Variants in B3GALT1 observed in about 807,000 individuals in gnomAD.
The protein encoded by B3GALT1 is UDP-Gal:betaGlcNAc beta 1,3-galactosyltransferase, polypeptide 1.
A neutral mutation model predicts 23.2 loss-of-function variants in B3GALT1; 10 were observed. The observed-to-expected ratio is 0.43, with a 90% CI of 0.27 to 0.73. The LOEUF is 0.73. Ranked by LOEUF, B3GALT1 falls within the 30% of genes least tolerant of loss-of-function variation. The pLI, the probability that B3GALT1 is intolerant of heterozygous loss-of-function variation, is 0.21. For synonymous variants in B3GALT1, 156 were observed against 141.5 expected, an observed-to-expected ratio of 1.10 and a Z score of -0.73; for missense variants, 299 against 405.4, an observed-to-expected ratio of 0.74 and a Z score of 2.25.
At chr2:167,629,028 A>T (rs1473530079) in intron 2 of B3GALT1, among the ~76,000 whole-genome samples, 1 of 151,690 alleles carries the variant, frequency 6.6e-6, no homozygotes, top group African/African-American at 2.4e-5. Context: ...GCCTACCATA[A>T]ATTGGACATA....
chr2:167,643,817 G>T (rs1014865573), intron 2 of B3GALT1, among the ~76,000 whole-genome samples: 1 of 152,188 alleles, frequency 6.6e-6, no homozygotes, highest in South Asian at 2.1e-4. Context: ...GACACCATAG[G>T]CAGACTGGTC....
chr2:167,784,582 C>T (rs749545733), intron 3 of B3GALT1, among the ~76,000 whole-genome samples: 1 of 152,144 alleles, frequency 6.6e-6, no homozygotes, highest in Non-Finnish European at 1.5e-5. Flanking sequence ...TATAGCCACT[C>T]TATTTGTAAT....
chr2:167,332,676 G>A (rs1053488094), intron 1 of B3GALT1, among the ~76,000 whole-genome samples: 11 of 152,140 alleles, frequency 7.2e-5, no homozygotes, highest in Admixed American at 6.5e-4. Flanking sequence ...AAAACACTTC[G>A]GAACCAGGTA....
chr2:167,811,901 GCT>G (rs2105353276), intron 3 of B3GALT1, among the ~76,000 whole-genome samples: 1 of 152,272 alleles, frequency 6.6e-6, no homozygotes, highest in South Asian at 2.1e-4. Flanking sequence ...AGATACTATT[GCT>G]GTTTCAACTG....
intron 4 of B3GALT1, among the ~76,000 whole-genome samples, chr2:167,826,285 G>A (rs1406475556): frequency 6.6e-6 from 1 of 152,030 alleles, no homozygotes; most frequent in Admixed American, 6.6e-5. Flanking sequence ...CCTCAACCTG[G>A]CCAGGTTTCC....
At chr2:167,624,183 A>G (rs776592431) in intron 2 of B3GALT1, among the ~76,000 whole-genome samples, 8 of 152,112 alleles carry the variant, frequency 5.3e-5, no homozygotes, top group Admixed American at 1.3e-4. Context: ...ATGATGGGAA[A>G]TAGAGTTGAC....
At position 167,869,335 on chromosome 2, in the gene B3GALT1, A is replaced by C; in HGVS notation, c.296A>C (p.Glu99Ala). The C allele has an allele frequency of 6.2e-7, 1 of 1,614,114 alleles. No homozygotes were observed. The highest frequency in any genetic ancestry group is 8.5e-7 in the Non-Finnish European group (1 of 1,180,028). Residue 99 changes from glutamate to alanine, a missense_variant, in exon 5 of 5, where the codon GAG becomes GCG. Glu to Ala is a moderately radical substitution (Grantham distance 107). Around this residue, in one of 3 missense-constraint regions of B3GALT1, gnomAD observed 162 missense variants for 184.1 expected, o/e 0.88. Transcript: ENST00000392690. The surrounding 1 kb of genome is among the most constrained non-coding windows in gnomAD (Gnocchi z 6.4). ...KEFDARQAIRETWGDENNFKG... is the reference protein window; with the variant it reads ...KEFDARQAIRATWGDENNFKG... ...TTTGATGCCCGTCAGGCAATCAGAG[A>C]GACGTGGGGGGATGAGAACAACTTT... is the stretch of plus-strand genomic sequence containing the variant.
intron 1 of B3GALT1, among the ~76,000 whole-genome samples, chr2:167,475,869 T>G (rs553812952): frequency 6.6e-6 from 1 of 152,250 alleles, no homozygotes; most frequent in Admixed American, 6.5e-5. Context: ...TCTCCCAGCT[T>G]CTGGTGGTTT....
intron 4 of B3GALT1, among the ~76,000 whole-genome samples, chr2:167,847,602 A>G (rs984352648): frequency 6.0e-4 from 91 of 152,340 alleles, no homozygotes; most frequent in African/African-American, 1.9e-3. Context: ...CTAAGAGGAA[A>G]GTTCATAGCC....
Position 167,872,492 on chromosome 2 carries a change from G to C in B3GALT1, c.*2472G>C, listed in dbSNP as rs145390521. 6.6e-6 allele frequency: 1 copy of C among 152,340 alleles called. No homozygotes were observed. Among genetic ancestry groups the C allele is most frequent in the East Asian group, 1.9e-4 (1 of 5,170 alleles). 9.4% of individuals were successfully genotyped at this position (152,340 alleles called of 1,614,324 possible). On this transcript the variant is annotated 3_prime_UTR_variant, in exon 5 of 5. Transcript: ENST00000392690. ...TCCAACCTGCAGCCTCAACTGCTGT[G>C]AGTTCCAATCACTGGGAAAGTCTCA...
At chr2:167,445,773 G>C (rs1355676214) in intron 1 of B3GALT1, among the ~76,000 whole-genome samples, 1 of 152,078 alleles carries the variant, frequency 6.6e-6, no homozygotes, top group African/African-American at 2.4e-5. Flanking sequence ...ACGTGAGATG[G>C]GTTTCCTGAA....
intron 1 of B3GALT1, among the ~76,000 whole-genome samples, chr2:167,352,788 A>G (rs1201454933): frequency 6.6e-6 from 1 of 152,168 alleles, no homozygotes; most frequent in Non-Finnish European, 1.5e-5. Context: ...AAACACCAGT[A>G]GTCACACTCA....
chr2:167,342,722 AT>A (rs537374253), intron 1 of B3GALT1, among the ~76,000 whole-genome samples: 1 of 151,276 alleles, frequency 6.6e-6, no homozygotes, highest in African/African-American at 2.4e-5. Flanking sequence ...CCTTTTCTGC[AT>A]TTTTTTTGTC....
chr2:167,640,471 C>T (rs1685630518), intron 2 of B3GALT1, among the ~76,000 whole-genome samples: 1 of 151,940 alleles, frequency 6.6e-6, no homozygotes, highest in African/African-American at 2.4e-5. Flanking sequence ...TTTAAACTAT[C>T]AGCTGCCTTG....
intron 3 of B3GALT1, among the ~76,000 whole-genome samples, chr2:167,760,078 A>G (rs1000286299): frequency 2.6e-5 from 4 of 152,190 alleles, no homozygotes; most frequent in African/African-American, 9.6e-5. Context: ...TCTAATTAAC[A>G]GTCAAGAAGG....
chr2:167,561,325 T>C (rs537406981), intron 2 of B3GALT1, among the ~76,000 whole-genome samples: 90 of 152,310 alleles, frequency 5.9e-4, no homozygotes, highest in African/African-American at 2.1e-3. Flanking sequence ...CGGAAATTTA[T>C]AGGACTAAAT....
At chr2:167,362,783 A>G (rs1574049068) in intron 1 of B3GALT1, among the ~76,000 whole-genome samples, 2 of 152,328 alleles carry the variant, frequency 1.3e-5, no homozygotes, top group East Asian at 3.9e-4. Context: ...AATTTTTCTT[A>G]ATCATAGCAA....
intron 1 of B3GALT1, among the ~76,000 whole-genome samples, chr2:167,371,447 T>A (rs1162828017): frequency 6.6e-6 from 1 of 152,172 alleles, no homozygotes; most frequent in Non-Finnish European, 1.5e-5. Context: ...AATTTCCACT[T>A]CATATATAAT....
intron 3 of B3GALT1, among the ~76,000 whole-genome samples, chr2:167,809,116 C>T (rs1688824165): frequency 6.6e-6 from 1 of 152,192 alleles, no homozygotes; most frequent in African/African-American, 2.4e-5. Flanking sequence ...AGTCCTCGTG[C>T]CTTGGTTTTC....
Sources: gnomAD v4.1 joint callset for allele counts (sites outside exome capture counted in the v4.1 genomes callset) on GRCh38, gnomAD v4.1.1 for gene constraint, gnomAD v4.1.1 regional missense constraint, Gnocchi (gnomAD v3.1) non-coding constraint, MANE v1.5 for transcripts, NCBI Gene and HGNC (gene_info 2026-07-23, HGNC 2026-07-21) for gene names.